Variants in DNAJC15 observed in about 807,000 individuals in gnomAD.
DNAJC15 encodes the protein dnaJ homolog subfamily C member 15.
In DNAJC15, 27 loss-of-function variants were observed where a neutral mutation model predicts 22.4. The ratio of observed to expected loss-of-function variants is 1.20; its 90% CI spans 0.89 to 1.66. The LOEUF is 1.66. Ranked by LOEUF, DNAJC15 falls within the 40% of genes most tolerant of loss-of-function variation. The probability of loss-of-function intolerance (pLI) is 0.00; values close to 1 mark genes in which losing one functional copy is unlikely to be tolerated. For missense variants in DNAJC15, 208 were observed against 187.1 expected, an observed-to-expected ratio of 1.11 and a Z score of -0.65; for synonymous variants, 79 against 63.2, an observed-to-expected ratio of 1.25 and a Z score of -1.19.
intron 5 of DNAJC15, among the ~76,000 whole-genome samples, chr13:43,088,335 A>G (rs2040698778): frequency 6.6e-6 from 1 of 152,224 alleles, no homozygotes; most frequent in African/African-American, 2.4e-5. Flanking sequence ...GCACTGATCT[A>G]ATCAATGCTG....
chr13:43,041,819 A>G (rs74060618), intron 1 of DNAJC15, among the ~76,000 whole-genome samples: 2,680 of 152,290 alleles, frequency 0.018, 99 homozygotes, highest in East Asian at 0.13. Context: ...GCTAACTTTT[A>G]TTTAGCCTAT....
intron 3 of DNAJC15, among the ~76,000 whole-genome samples, chr13:43,076,224 A>G (rs1396281354): frequency 6.6e-6 from 1 of 152,220 alleles, no homozygotes; most frequent in Non-Finnish European, 1.5e-5. Flanking sequence ...ATAGATTAGC[A>G]TCTGTGTGAT....
chr13:43,067,513 A>G (rs2040589708), intron 2 of DNAJC15, among the ~76,000 whole-genome samples: 1 of 152,222 alleles, frequency 6.6e-6, no homozygotes, highest in African/African-American at 2.4e-5. Context: ...TTGAAATTAG[A>G]TAAAGATGTA....
At chr13:43,039,604 A>G (rs959526471) in intron 1 of DNAJC15, among the ~76,000 whole-genome samples, 2 of 152,252 alleles carry the variant, frequency 1.3e-5, no homozygotes, top group African/African-American at 4.8e-5. Flanking sequence ...TCATTGGCCA[A>G]AAAATTCTAA....
At chr13:43,072,860 G>A (rs559198908) in intron 3 of DNAJC15, among the ~76,000 whole-genome samples, 7 of 152,234 alleles carry the variant, frequency 4.6e-5, no homozygotes, top group South Asian at 4.2e-4. Flanking sequence ...CACTGCGCCC[G>A]GCCAACGTTA....
intron 4 of DNAJC15, among the ~76,000 whole-genome samples, chr13:43,081,113 T>G (rs1425786212): frequency 6.6e-6 from 1 of 152,192 alleles, no homozygotes; most frequent in African/African-American, 2.4e-5. Flanking sequence ...TGTATTTGAG[T>G]CTTTGCCTTA....
intron 1 of DNAJC15, among the ~76,000 whole-genome samples, chr13:43,034,470 C>T (rs773370534): frequency 6.6e-5 from 10 of 151,670 alleles, no homozygotes; most frequent in Non-Finnish European, 7.4e-5. Flanking sequence ...TGCCCACCAC[C>T]GCGCCCGGCT....
intron 1 of DNAJC15, among the ~76,000 whole-genome samples, chr13:43,057,521 T>C (rs1403299744): frequency 6.6e-6 from 1 of 152,210 alleles, no homozygotes; most frequent in African/African-American, 2.4e-5. Flanking sequence ...ATTTTAAATT[T>C]CTTTAAGTTG....
At chr13:43,069,105 A>G in intron 3 of DNAJC15, 102 bp downstream of exon 3, 7 of 1,216,658 alleles carry the variant, frequency 5.8e-6, no homozygotes, top group South Asian at 1.5e-5. Context: ...CAATGTTTGT[A>G]GAAGTTTGTT....
At chr13:43,082,795 C>A (rs994279492) in intron 4 of DNAJC15, among the ~76,000 whole-genome samples, 2 of 151,434 alleles carry the variant, frequency 1.3e-5, no homozygotes, top group African/African-American at 4.9e-5. Context: ...TAAAATGGAC[C>A]TTGCCATATA....
At chr13:43,037,178 A>G (rs961473788) in intron 1 of DNAJC15, among the ~76,000 whole-genome samples, 1 of 152,250 alleles carries the variant, frequency 6.6e-6, no homozygotes, top group Non-Finnish European at 1.5e-5. Flanking sequence ...ACTGCCTTAA[A>G]GTAAAATCGG....
rs2040596440 is a variant in DNAJC15, at chr13:43,069,006, AAGTT to A, written c.234+5_234+8del. On this transcript the variant is annotated splice_donor_5th_base_variant and intron_variant, in intron 3 of 5. Transcript: ENST00000379221. The stretch of plus-strand genomic sequence containing the variant: ...CTGCAAAGAAGATTTCAACTCCTGT[AAGTT>A]AAACGTGGCTTTAGTTAGAAGACTC... 1 of 1,610,482 alleles carries A rather than the reference AAGTT, an allele frequency of 6.2e-7. No homozygotes were observed. Among genetic ancestry groups the A allele is most frequent in the South Asian group, 1.1e-5 (1 of 90,382 alleles).
In DNAJC15 at chr13:43,074,230, T is replaced by C. The variant is rs1304400115; in HGVS notation, c.235-4382T>C. On this transcript the variant is annotated intron_variant, in intron 3 of 5. Coordinates refer to ENST00000379221, the MANE Select transcript of DNAJC15 (RefSeq NM_013238.3). Reference sequence around the variant, plus strand: ...GACTTTTGTGTTTCAGGCTATTGAGTGAATGAATTAGCTAATGAATACTTT... The same window carrying C: ...GACTTTTGTGTTTCAGGCTATTGAGCGAATGAATTAGCTAATGAATACTTT... 2.0e-5 allele frequency among the ~76,000 whole-genome samples: 3 copies of C among 152,150 alleles called. No individual in the cohort carries two copies. In the East Asian group the frequency reaches 5.8e-4, roughly 29 times the overall value.
chr13:43,033,127 G>A (rs530725636), intron 1 of DNAJC15, among the ~76,000 whole-genome samples: 3 of 152,212 alleles, frequency 2.0e-5, no homozygotes, highest in East Asian at 1.9e-4. Flanking sequence ...AGAAATTGCC[G>A]CCATGACCCA....
chr13:43,071,212 A>G (rs957312139), intron 3 of DNAJC15, among the ~76,000 whole-genome samples: 2 of 152,178 alleles, frequency 1.3e-5, no homozygotes, highest in Non-Finnish European at 2.9e-5. Flanking sequence ...GGGTAATTCA[A>G]GAGATTATAA....
chr13:43,060,047 T>C (rs539322118), intron 1 of DNAJC15, among the ~76,000 whole-genome samples: 33 of 152,244 alleles, frequency 2.2e-4, no homozygotes, highest in Non-Finnish European at 4.1e-4. Flanking sequence ...TCTGGATGTA[T>C]ACGTGCAGGT....
chr13:43,079,526 T>A (rs1398407314), intron 4 of DNAJC15, among the ~76,000 whole-genome samples: 1 of 152,142 alleles, frequency 6.6e-6, no homozygotes, highest in African/African-American at 2.4e-5. Flanking sequence ...TCTTCTTAGA[T>A]GAGATCTCTC....
intron 1 of DNAJC15, among the ~76,000 whole-genome samples, chr13:43,031,946 A>C (rs149104379): frequency 3.3e-5 from 5 of 152,374 alleles, no homozygotes; most frequent in Non-Finnish European, 7.3e-5. Flanking sequence ...GGAGTTGTTG[A>C]GAAATGAAAC....
intron 3 of DNAJC15, among the ~76,000 whole-genome samples, chr13:43,069,941 C>G (rs1294869369): frequency 6.6e-6 from 1 of 151,874 alleles, no homozygotes. Flanking sequence ...CAAAACTTAC[C>G]AGAAAGACTG....
Sources: allele counts gnomAD v4.1 joint callset (sites outside exome capture counted in the v4.1 genomes callset), GRCh38; gene constraint gnomAD v4.1.1; transcripts MANE v1.5; gene names NCBI Gene and HGNC (gene_info 2026-07-23, HGNC 2026-07-21).